GRM7: variants seen among roughly 807,000 people sequenced by gnomAD.
GRM7 encodes the protein glutamate metabotropic receptor 7, also known as metabotropic glutamate receptor 7.
GRM7 carries 35 observed loss-of-function variants against 84.5 expected under a neutral mutation model. That is an observed-to-expected ratio of 0.41 (90% CI 0.32 to 0.55). GRM7 has a LOEUF of 0.55. Ranked by LOEUF, GRM7 falls within the 20% of genes least tolerant of loss-of-function variation. GRM7 has a pLI of 0.19. For missense variants in GRM7, 1,003 were observed against 1,194.6 expected, an observed-to-expected ratio of 0.84 and a Z score of 2.36; for synonymous variants, 487 against 455.1, an observed-to-expected ratio of 1.07 and a Z score of -0.89.
At chr3:6,929,658 G>A (rs1468115306) in intron 1 of GRM7, among the ~76,000 whole-genome samples, 1 of 152,146 alleles carries the variant, frequency 6.6e-6, no homozygotes, top group Non-Finnish European at 1.5e-5. Flanking sequence ...GTCTTTGACT[G>A]TCAATAAGAT....
intron 4 of GRM7, among the ~76,000 whole-genome samples, chr3:7,372,035 A>G (rs571464155): frequency 6.6e-6 from 1 of 152,236 alleles, no homozygotes; most frequent in South Asian, 2.1e-4. Flanking sequence ...GCAGGGCCTG[A>G]TAGGAGAGAG....
At chr3:7,103,302 T>C (rs926577098) in intron 1 of GRM7, among the ~76,000 whole-genome samples, 1 of 151,802 alleles carries the variant, frequency 6.6e-6, no homozygotes, top group Non-Finnish European at 1.5e-5. Context: ...TATTTGTTTC[T>C]GAAGTCTGGT....
chr3:7,360,647 C>T (rs557895900), intron 4 of GRM7, among the ~76,000 whole-genome samples: 1 of 152,196 alleles, frequency 6.6e-6, no homozygotes, highest in Admixed American at 6.5e-5. Context: ...TTAACTATTT[C>T]TCCACATAAA....
At chr3:7,609,351 C>G (rs1696739632) in intron 8 of GRM7, among the ~76,000 whole-genome samples, 1 of 151,776 alleles carries the variant, frequency 6.6e-6, no homozygotes, top group South Asian at 2.1e-4. Context: ...AAATTCAATG[C>G]TGGGAGAAAT....
intron 1 of GRM7, among the ~76,000 whole-genome samples, chr3:6,949,837 G>A (rs553073566): frequency 5.3e-5 from 8 of 152,004 alleles, no homozygotes; most frequent in Admixed American, 2.6e-4. Flanking sequence ...CTTTCTTCCC[G>A]TTGATCACAT....
intron 2 of GRM7, among the ~76,000 whole-genome samples, chr3:7,238,979 C>A (rs1697448377): frequency 7.1e-6 from 1 of 139,880 alleles, no homozygotes; most frequent in African/African-American, 2.6e-5. Context: ...TATTCTTTTC[C>A]CTTTCTTTTC....
chr3:7,333,344 G>T (rs1400461260), intron 4 of GRM7, among the ~76,000 whole-genome samples: 3 of 152,156 alleles, frequency 2.0e-5, no homozygotes. Flanking sequence ...CCAGCCCAGA[G>T]CCCGGTAGCC....
chr3:7,549,961 C>T (rs1479411323), intron 7 of GRM7, among the ~76,000 whole-genome samples: 1 of 152,208 alleles, frequency 6.6e-6, no homozygotes, highest in Admixed American at 6.5e-5. Context: ...CCACCAGTAT[C>T]ACTGCTGCTC....
intron 8 of GRM7, among the ~76,000 whole-genome samples, chr3:7,603,870 A>G (rs1224179776): frequency 6.6e-6 from 1 of 152,204 alleles, no homozygotes; most frequent in East Asian, 1.9e-4. Flanking sequence ...AGCCAATTCA[A>G]AGGAGAAATA....
chr3:6,920,196 A>G (rs921616687), intron 1 of GRM7, among the ~76,000 whole-genome samples: 1 of 152,134 alleles, frequency 6.6e-6, no homozygotes, highest in Admixed American at 6.6e-5. Context: ...GAGTTTTGAG[A>G]TTGCTAAGCT....
At position 7,179,902 on chromosome 3, in the gene GRM7, A is replaced by T. The variant is rs557190749; in HGVS notation, c.736+33234A>T. 7.9e-5 allele frequency among the ~76,000 whole-genome samples: 12 copies of T among 152,326 alleles called. No individual in the cohort carries two copies. In the South Asian group the frequency reaches 2.1e-3, roughly 26 times the overall value. On this transcript the variant is annotated intron_variant, in intron 2 of 9. Transcript: ENST00000357716. The stretch of plus-strand genomic sequence containing the variant: ...TTTACACAAAAGTGAAAGTTTGAGA[A>T]ATCTCCCAGACTTCTTTCCCTTCCC...
At chr3:7,723,449 A>G (rs1702020699) in intron 9 of GRM7, among the ~76,000 whole-genome samples, 1 of 152,172 alleles carries the variant, frequency 6.6e-6, no homozygotes, top group Admixed American at 6.5e-5. Context: ...GTCTGGTCTA[A>G]GTGCAAACAG....
chr3:6,880,873 G>A (rs1695482893), intron 1 of GRM7, among the ~76,000 whole-genome samples: 1 of 152,118 alleles, frequency 6.6e-6, no homozygotes, highest in South Asian at 2.1e-4. Flanking sequence ...TGAAAGGTAA[G>A]CAATGTGTGT....
chr3:6,873,101 T>A (rs1695183728), intron 1 of GRM7, among the ~76,000 whole-genome samples: 1 of 152,072 alleles, frequency 6.6e-6, no homozygotes, highest in Non-Finnish European at 1.5e-5. Context: ...GATGACGGAG[T>A]CTTGCTCTGT....
At chr3:7,724,162 C>T (rs777546930) in intron 9 of GRM7, among the ~76,000 whole-genome samples, 1 of 152,064 alleles carries the variant, frequency 6.6e-6, no homozygotes, top group East Asian at 1.9e-4. Flanking sequence ...GCCTGTAATA[C>T]GGAACCATGC....
At chr3:7,542,731 A>G (rs1194689207) in intron 7 of GRM7, among the ~76,000 whole-genome samples, 1 of 152,000 alleles carries the variant, frequency 6.6e-6, no homozygotes, top group Non-Finnish European at 1.5e-5. Flanking sequence ...TATTTTTAGT[A>G]GAGACAGGTT....
chr3:7,162,729 A>AT (rs71063284), intron 2 of GRM7, among the ~76,000 whole-genome samples: 2 of 54,718 alleles, frequency 3.7e-5, no homozygotes, highest in Non-Finnish European at 7.8e-5. Context: ...CCCATTTTTC[A>AT]TTTTTTTTTT....
intron 2 of GRM7, among the ~76,000 whole-genome samples, chr3:7,231,715 G>T (rs967098483): frequency 5.9e-5 from 9 of 152,190 alleles, no homozygotes; most frequent in Non-Finnish European, 1.2e-4. Context: ...GCCCATAAAT[G>T]TACAGATGAG....
intron 7 of GRM7, among the ~76,000 whole-genome samples, chr3:7,540,095 A>T: frequency 6.6e-6 from 1 of 152,260 alleles, no homozygotes; most frequent in East Asian, 1.9e-4. Context: ...TATTGACAAG[A>T]ATGTGGAGAA....
Sources: allele counts gnomAD v4.1 joint callset (sites outside exome capture counted in the v4.1 genomes callset), GRCh38; gene constraint gnomAD v4.1.1; transcripts MANE v1.5; gene names NCBI Gene and HGNC (gene_info 2026-07-23, HGNC 2026-07-21).